The following PDE11A variants were observed in gnomAD, a reference collection of about 807,000 sequenced individuals.
The protein encoded by PDE11A is phosphodiesterase 11A.
A neutral mutation model predicts 100.5 loss-of-function variants in PDE11A; 100 were observed. That is an observed-to-expected ratio of 1.00 (90% CI 0.85 to 1.18). The LOEUF (loss-of-function observed/expected upper bound fraction) is 1.18. PDE11A is among the 50% of genes most tolerant of loss of function. The pLI, the probability that PDE11A is intolerant of heterozygous loss-of-function variation, is 0.00. For missense variants in PDE11A, 1,141 were observed against 1,152.6 expected, an observed-to-expected ratio of 0.99 and a Z score of 0.15; for synonymous variants, 381 against 420.8, an observed-to-expected ratio of 0.91 and a Z score of 1.16.
intron 2 of PDE11A, chr2:177,997,319 T>C: frequency 1.1e-6 from 1 of 917,414 alleles, no homozygotes; most frequent in Non-Finnish European, 1.8e-6. Context: ...ACTGGGAGGA[T>C]TATAAATCTG....
intron 19 of PDE11A, among the ~76,000 whole-genome samples, chr2:177,631,748 C>A (rs1319126908): frequency 6.6e-6 from 1 of 150,534 alleles, no homozygotes; most frequent in African/African-American, 2.5e-5. Context: ...AGCATTCATA[C>A]TTCTTGGGCC....
intron 1 of PDE11A, among the ~76,000 whole-genome samples, chr2:178,069,522 T>C (rs74372481): frequency 1.8e-3 from 281 of 152,288 alleles, no homozygotes; most frequent in African/African-American, 6.4e-3. Context: ...TACCTGCCTT[T>C]TGCCAGTCCT....
chr2:177,658,842 T>C (rs1053812592), intron 19 of PDE11A, among the ~76,000 whole-genome samples: 9 of 152,122 alleles, frequency 5.9e-5, no homozygotes, highest in African/African-American at 2.2e-4. Context: ...TCTTTTCTAG[T>C]TTGTCAGTTT....
chr2:178,041,836 A>C (rs535655020), intron 1 of PDE11A, among the ~76,000 whole-genome samples: 3 of 152,184 alleles, frequency 2.0e-5, no homozygotes, highest in Admixed American at 2.0e-4. Context: ...ACAATGTTTC[A>C]AGCATTATCC....
chr2:177,944,297 G>A (rs1192822278), intron 2 of PDE11A, among the ~76,000 whole-genome samples: 1 of 152,092 alleles, frequency 6.6e-6, no homozygotes, highest in African/African-American at 2.4e-5. Context: ...TAGAGGATAT[G>A]GAAAATATAA....
intron 1 of PDE11A, among the ~76,000 whole-genome samples, chr2:178,065,443 C>A (rs534558622): frequency 1.3e-5 from 2 of 152,270 alleles, no homozygotes; most frequent in African/African-American, 2.4e-5. Flanking sequence ...ATTTAGTTAA[C>A]CTTAAATTAC....
chr2:177,812,839 C>T (rs1006857089), intron 9 of PDE11A, among the ~76,000 whole-genome samples: 1 of 152,210 alleles, frequency 6.6e-6, no homozygotes. Context: ...CTAAGAGATA[C>T]ACAGGTGCAA....
At chr2:177,857,843 G>T (rs115046245) in intron 5 of PDE11A, among the ~76,000 whole-genome samples, 1 of 151,876 alleles carries the variant, frequency 6.6e-6, no homozygotes, top group Admixed American at 6.6e-5. Flanking sequence ...AATGGAAAAA[G>T]TATATATATT....
intron 1 of PDE11A, among the ~76,000 whole-genome samples, chr2:178,024,508 T>C (rs1307255430): frequency 6.6e-6 from 1 of 152,220 alleles, no homozygotes; most frequent in Non-Finnish European, 1.5e-5. Flanking sequence ...TGTTTTATTT[T>C]GTCTTTTCCA....
intron 4 of PDE11A, among the ~76,000 whole-genome samples, chr2:177,889,801 A>ATTTCTTTCTTGATTTCTTTCTTG (rs1353706817): frequency 3.3e-5 from 5 of 151,478 alleles, no homozygotes; most frequent in African/African-American, 1.2e-4. Context: ...CTCTTTCTTG[A>ATTTCTTTCTTGATTTCTTTCTTG]ACAACTTTAT....
At chr2:178,011,512 G>A (rs909953864) in intron 2 of PDE11A, among the ~76,000 whole-genome samples, 6 of 152,172 alleles carry the variant, frequency 3.9e-5, no homozygotes, top group Non-Finnish European at 8.8e-5. Context: ...TAGGGGAAGA[G>A]GTGCAGAGCT....
chr2:178,055,047 T>C (rs1447995689), intron 1 of PDE11A, among the ~76,000 whole-genome samples: 3 of 151,868 alleles, frequency 2.0e-5, no homozygotes, highest in Non-Finnish European at 2.9e-5. Context: ...CACATGCACA[T>C]GTATGTTTAT....
At chr2:177,973,024 C>T (rs1176004251) in intron 2 of PDE11A, among the ~76,000 whole-genome samples, 3 of 152,092 alleles carry the variant, frequency 2.0e-5, no homozygotes, top group Non-Finnish European at 4.4e-5. Context: ...ATCTGATAGC[C>T]CATTAGATAT....
intron 2 of PDE11A, among the ~76,000 whole-genome samples, chr2:177,915,336 C>T (rs1467156616): frequency 6.6e-6 from 1 of 152,188 alleles, no homozygotes; most frequent in East Asian, 1.9e-4. Context: ...CCCTGTGCTT[C>T]ACCTGCTAAT....
At position 177,713,987 on chromosome 2, in the gene PDE11A, C is replaced by CTTTTTTTTTTTTTTTTTTTTTTT. The variant is rs57211363; in HGVS notation, c.2044-2132_2044-2110dup. Among the ~76,000 whole-genome samples the CTTTTTTTTTTTTTTTTTTTTTTT allele has an allele frequency of 1.0e-3, 78 of 77,402 alleles. 3 individuals carry two copies. The highest frequency in any genetic ancestry group is 1.4e-3 in the East Asian group (3 of 2,158). 50.8% of individuals were successfully genotyped at this position (77,402 alleles called of 152,430 possible). A position where few individuals can be genotyped will look rare whatever the true frequency, so the allele number is the denominator to read the frequency against. ...TCCCACCATATTTCTTTTCTTTTTT[C>CTTTTTTTTTTTTTTTTTTTTTTT]TTTTTTTTTTTTTTTTTTTTTTTTG... On this transcript the variant is annotated intron_variant, in intron 12 of 19. Coordinates refer to ENST00000286063, the MANE Select transcript of PDE11A (RefSeq NM_016953.4).
intron 10 of PDE11A, among the ~76,000 whole-genome samples, chr2:177,728,829 A>C (rs1202669838): frequency 6.6e-6 from 1 of 152,196 alleles, no homozygotes; most frequent in African/African-American, 2.4e-5. Context: ...CAACATAATT[A>C]CAATACTGGT....
chr2:178,072,187 C>T lies in PDE11A; in HGVS notation c.251G>A (p.Ser84Asn). The part of the protein sequence containing the change: ...GGTGPNGSAH[S>N]QPLPGGGDCG... ...GTCCCCGCCACCGGGAAGGGGCTGG[C>T]TGTGGGCAGAGCCATTTGGTCCAGT... The change falls in exon 1 of 20, where the codon AGC (serine) becomes AAC (asparagine). Residue 84 changes from serine to asparagine, a missense_variant. Transcript: ENST00000286063. The T allele has an allele frequency of 1.9e-6, 3 of 1,613,940 alleles. No individual in the cohort carries two copies. The highest frequency in any genetic ancestry group is 2.5e-6 in the Non-Finnish European group (3 of 1,179,924).
intron 5 of PDE11A, among the ~76,000 whole-genome samples, chr2:177,853,646 A>C: frequency 1.3e-4 from 2 of 15,386 alleles, no homozygotes; most frequent in African/African-American, 2.3e-4. Flanking sequence ...ATATATATAT[A>C]TATATATATA....
At chr2:177,922,161 C>G (rs994135710) in intron 2 of PDE11A, among the ~76,000 whole-genome samples, 10 of 152,116 alleles carry the variant, frequency 6.6e-5, no homozygotes, top group Non-Finnish European at 1.2e-4. Flanking sequence ...ATCTACAACA[C>G]TGGATTAAAT....
Sources: allele counts gnomAD v4.1 joint callset (sites outside exome capture counted in the v4.1 genomes callset), GRCh38; gene constraint gnomAD v4.1.1; transcripts MANE v1.5; gene names NCBI Gene and HGNC (gene_info 2026-07-23, HGNC 2026-07-21).